Variants in C10orf67 observed in about 807,000 individuals in gnomAD.
C10orf67 encodes uncharacterized protein C10orf67, mitochondrial.
In C10orf67, 60 loss-of-function variants were observed where a neutral mutation model predicts 35.6. The ratio of observed to expected loss-of-function variants is 1.68; its 90% confidence interval spans 1.37 to 2.09. The LOEUF is 2.09. Ranked by LOEUF, C10orf67 falls within the 30% of genes most tolerant of loss-of-function variation. The probability of loss-of-function intolerance (pLI) is 0.00; values close to 1 mark genes in which losing one functional copy is unlikely to be tolerated. For missense variants in C10orf67, 474 were observed against 330.2 expected (o/e 1.44, Z -3.38); for synonymous variants, 167 against 115.8 (o/e 1.44, Z -2.84).
chr10:23,248,140 A>T (rs1842363156), intron 12 of C10orf67, among the ~76,000 whole-genome samples: 1 of 152,176 alleles, frequency 6.6e-6, no homozygotes, highest in Non-Finnish European at 1.5e-5. Context: ...AACATTTCTT[A>T]TGCGCTTGAT....
intron 4 of C10orf67, among the ~76,000 whole-genome samples, chr10:23,313,152 C>T (rs545004602): frequency 6.6e-6 from 1 of 152,330 alleles, no homozygotes; most frequent in Non-Finnish European, 1.5e-5. Context: ...CTTAACTATT[C>T]ACCCAAATTG....
intron 15 of C10orf67, among the ~76,000 whole-genome samples, chr10:23,221,354 C>T (rs1269408424): frequency 6.6e-6 from 1 of 152,116 alleles, no homozygotes; most frequent in Non-Finnish European, 1.5e-5. Flanking sequence ...CCCACCAGGC[C>T]CCTTCTCCAA....
intron 10 of C10orf67, among the ~76,000 whole-genome samples, chr10:23,255,680 T>G (rs11013354): frequency 0.055 from 8,406 of 152,158 alleles, 749 homozygotes; most frequent in African/African-American, 0.19. Context: ...TTAAATATGA[T>G]GAAGCCATTG....
chr10:23,243,654 T>A (rs1022709878), intron 12 of C10orf67, among the ~76,000 whole-genome samples: 1 of 147,734 alleles, frequency 6.8e-6, no homozygotes, highest in African/African-American at 2.5e-5. Context: ...GCCATTGCAC[T>A]CCAGCCTGGG....
chr10:23,244,727 G>T (rs1281511773), intron 12 of C10orf67, among the ~76,000 whole-genome samples: 1 of 152,120 alleles, frequency 6.6e-6, no homozygotes, highest in Admixed American at 6.5e-5. Context: ...ACGATATCTT[G>T]TATTCATGAA....
At chr10:23,273,441 C>T (rs1432063422) in intron 8 of C10orf67, among the ~76,000 whole-genome samples, 1 of 152,138 alleles carries the variant, frequency 6.6e-6, no homozygotes. Flanking sequence ...CTTCTGGCTC[C>T]ATTATTTTAT....
intron 4 of C10orf67, among the ~76,000 whole-genome samples, chr10:23,314,501 C>CACACACAG (rs1007575126): frequency 2.0e-5 from 3 of 150,960 alleles, no homozygotes; most frequent in African/African-American, 7.4e-5. Flanking sequence ...CACACACACA[C>CACACACAG]ACACACACAC....
chr10:23,227,212 A>C (rs954319357), intron 13 of C10orf67, among the ~76,000 whole-genome samples: 2 of 152,260 alleles, frequency 1.3e-5, no homozygotes, highest in Non-Finnish European at 2.9e-5. Flanking sequence ...AACCAAATCC[A>C]GCAGCACATC....
At chr10:23,319,422 G>A (rs1045947074) in intron 4 of C10orf67, among the ~76,000 whole-genome samples, 1 of 152,104 alleles carries the variant, frequency 6.6e-6, no homozygotes, top group African/African-American at 2.4e-5. Flanking sequence ...GGGCATCTAG[G>A]TTAATTTCAT....
chr10:23,262,099 C>T (rs1242775413), intron 10 of C10orf67, among the ~76,000 whole-genome samples: 1 of 152,128 alleles, frequency 6.6e-6, no homozygotes, highest in Non-Finnish European at 1.5e-5. Context: ...GGGGTGCAGC[C>T]ACCTCCGGCT....
At chr10:23,206,797 T>C (rs1346208607) in intron 15 of C10orf67, among the ~76,000 whole-genome samples, 1 of 152,206 alleles carries the variant, frequency 6.6e-6, no homozygotes, top group Non-Finnish European at 1.5e-5. Flanking sequence ...AAAAATTTCA[T>C]TTAAAGAGTC....
chr10:23,323,936 T>C (rs1478765092), intron 2 of C10orf67, among the ~76,000 whole-genome samples: 3 of 56,334 alleles, frequency 5.3e-5, no homozygotes, highest in African/African-American at 2.0e-4. Flanking sequence ...TATATATATA[T>C]ATATATATAT....
At chr10:23,258,448 T>C (rs1338644129) in intron 10 of C10orf67, 1 of 167,714 alleles carries the variant, frequency 6.0e-6, no homozygotes, top group African/African-American at 2.4e-5. Context: ...ACAGACTAGG[T>C]TGTTCCAGTT....
chr10:23,282,862 T>G (rs965455236), intron 7 of C10orf67, among the ~76,000 whole-genome samples: 1 of 151,382 alleles, frequency 6.6e-6, no homozygotes, highest in Admixed American at 6.6e-5. Flanking sequence ...AGCTAGAAAT[T>G]GAAACAATTG....
At chr10:23,211,456 G>GGTGTGT (rs1554801543) in intron 15 of C10orf67, among the ~76,000 whole-genome samples, 1 of 142,732 alleles carries the variant, frequency 7.0e-6, no homozygotes, top group African/African-American at 2.6e-5. Flanking sequence ...TTTGTGAGGC[G>GGTGTGT]GTGTGTGTGT....
rs185538389 is a variant in C10orf67 at position 23,247,620 on chromosome 10, C to A, written c.1346+2835G>T. Among the ~76,000 whole-genome samples the A allele has an allele frequency of 5.8e-4, 89 of 152,190 alleles. 1 individual carries two copies. The highest frequency in any genetic ancestry group is 2.1e-3 in the African/African-American group (87 of 41,528). On this transcript the variant is annotated intron_variant, in intron 12 of 15. Coordinates refer to ENST00000636213, the MANE Select transcript of C10orf67 (RefSeq NM_001371909.1). ...TATAATATGAGGATATTATGAATAA[C>A]TTTATATCAATAAATTAGACAATTC...
intron 10 of C10orf67, among the ~76,000 whole-genome samples, chr10:23,263,973 A>C (rs1191941971): frequency 6.6e-6 from 1 of 152,242 alleles, no homozygotes; most frequent in Non-Finnish European, 1.5e-5. Flanking sequence ...TGTGGGTAGC[A>C]CATGTGCTGT....
intron 10 of C10orf67, among the ~76,000 whole-genome samples, chr10:23,262,996 T>C (rs1016297558): frequency 2.0e-5 from 3 of 152,224 alleles, no homozygotes; most frequent in African/African-American, 7.2e-5. Context: ...GAAAATTATT[T>C]TGTGTCATCA....
intron 7 of C10orf67, 86 bp from the exon 8 acceptor site, chr10:23,282,164 T>G (rs1040753352): frequency 2.5e-6 from 1 of 394,568 alleles, no homozygotes; most frequent in African/African-American, 2.1e-5. Context: ...GTGAAACATA[T>G]TTTAATATGA....
Sources: gnomAD v4.1 joint callset for allele counts (sites outside exome capture counted in the v4.1 genomes callset) on GRCh38, gnomAD v4.1.1 for gene constraint, MANE v1.5 for transcripts, NCBI Gene and HGNC (gene_info 2026-07-23, HGNC 2026-07-21) for gene names.